Variants in PLSCR2 observed in about 807,000 individuals in gnomAD.
PLSCR2 encodes the protein PL scramblase 2.
In PLSCR2, 18 loss-of-function variants were observed where a neutral mutation model predicts 25.3. The observed-to-expected ratio is 0.71, with a 90% CI of 0.49 to 1.06. The LOEUF (loss-of-function observed/expected upper bound fraction) is 1.06, where lower values mean the gene tolerates loss of function less well. Among genes scored for constraint, PLSCR2 ranks in the 50% least tolerant of loss-of-function variants. The pLI, the probability that PLSCR2 is intolerant of heterozygous loss-of-function variation, is 0.00. For missense variants in PLSCR2, 243 were observed against 269.5 expected (o/e 0.90, Z 0.69); for synonymous variants, 88 against 87.3 (o/e 1.01, Z -0.04).
At chr3:146,398,498 T>A (rs1276070360) in intron 2 of PLSCR2, among the ~76,000 whole-genome samples, 2 of 148,290 alleles carry the variant, frequency 1.3e-5, no homozygotes, top group Non-Finnish European at 3.0e-5. Context: ...ATAAGGACGC[T>A]GTGAATTAGT....
At chr3:146,450,835 T>C (rs1187634763) in intron 5 of PLSCR2, among the ~76,000 whole-genome samples, 2 of 152,102 alleles carry the variant, frequency 1.3e-5, no homozygotes, top group African/African-American at 2.4e-5. Flanking sequence ...TTGATGGCTA[T>C]AGCAAGAAAT....
intron 2 of PLSCR2, among the ~76,000 whole-genome samples, chr3:146,410,508 T>G (rs986945525): frequency 2.1e-4 from 32 of 152,204 alleles, no homozygotes; most frequent in Admixed American, 9.2e-4. Flanking sequence ...ACACTCGTTC[T>G]TGTAACAACA....
At chr3:146,438,438 C>T (rs1374201106), downstream of PLSCR2, among the ~76,000 whole-genome samples, 1 of 152,136 alleles carries the variant, frequency 6.6e-6, no homozygotes, top group Non-Finnish European at 1.5e-5. Context: ...TAAGGACTTG[C>T]TTTATGAATC....
At chr3:146,423,008 T>C (rs1166385915) in intron 2 of PLSCR2, among the ~76,000 whole-genome samples, 1 of 152,042 alleles carries the variant, frequency 6.6e-6, no homozygotes, top group Non-Finnish European at 1.5e-5. Flanking sequence ...GTATTTATAA[T>C]ACTATGATAT....
chr3:146,457,558 C>T (rs554914607), intron 3 of PLSCR2, among the ~76,000 whole-genome samples: 20 of 152,276 alleles, frequency 1.3e-4, no homozygotes, highest in African/African-American at 4.6e-4. Context: ...ATCTACAGCA[C>T]GTGGAACAAA....
At chr3:146,435,458 GC>G (rs1471994456) in intron 8 of PLSCR2, among the ~76,000 whole-genome samples, 2 of 152,124 alleles carry the variant, frequency 1.3e-5, no homozygotes, top group Non-Finnish European at 2.9e-5. Flanking sequence ...TTTAATGACT[GC>G]CATTCTAACT....
At chr3:146,436,594 G>T (rs1296215820) in intron 8 of PLSCR2, among the ~76,000 whole-genome samples, 1 of 152,004 alleles carries the variant, frequency 6.6e-6, no homozygotes, top group Non-Finnish European at 1.5e-5. Context: ...TTGGTGTATA[G>T]GAATGCTTGT....
chr3:146,449,073 G>A (rs913953754), intron 6 of PLSCR2, 133 bp downstream of exon 6: 23 of 673,470 alleles, frequency 3.4e-5, no homozygotes, highest in Admixed American at 3.3e-4. Flanking sequence ...ATTTCAGTGC[G>A]GGGATTAAAT....
downstream of PLSCR2, among the ~76,000 whole-genome samples, chr3:146,437,013 T>C (rs2039905433): frequency 6.6e-6 from 1 of 152,210 alleles, no homozygotes; most frequent in South Asian, 2.1e-4. Flanking sequence ...AAAGGCCTTT[T>C]CTGTATCTAT....
intron 1 of PLSCR2, among the ~76,000 whole-genome samples, chr3:146,482,045 T>A (rs1183483965): frequency 1.3e-5 from 2 of 152,150 alleles, no homozygotes; most frequent in Non-Finnish European, 2.9e-5. Context: ...AGAAGCTGGA[T>A]CCCTTCCTTA....
At chr3:146,444,498 C>G (rs2040428536) in intron 6 of PLSCR2, among the ~76,000 whole-genome samples, 1 of 151,060 alleles carries the variant, frequency 6.6e-6, no homozygotes, top group Admixed American at 6.6e-5. Context: ...AAAATTGACC[C>G]CTGTATCATT....
chr3:146,420,092 A>C (rs896683601), intron 2 of PLSCR2, among the ~76,000 whole-genome samples: 3 of 152,058 alleles, frequency 2.0e-5, no homozygotes, highest in African/African-American at 4.8e-5. Context: ...CTTCTTACTG[A>C]GATTTTCCCA....
chr3:146,431,731 A>G (rs573627063), downstream of PLSCR2, among the ~76,000 whole-genome samples: 1 of 152,182 alleles, frequency 6.6e-6, no homozygotes, highest in East Asian at 1.9e-4. Flanking sequence ...GTTATCACTA[A>G]AAGAATACGA....
chr3:146,481,240 A>C (rs1205044585), intron 1 of PLSCR2, among the ~76,000 whole-genome samples: 2 of 152,202 alleles, frequency 1.3e-5, no homozygotes, highest in African/African-American at 4.8e-5. Context: ...CAGGGCAATC[A>C]GGCAAGAGAA....
upstream of PLSCR2, among the ~76,000 whole-genome samples, chr3:146,461,205 A>T (rs1410810107): frequency 2.6e-5 from 4 of 152,196 alleles, no homozygotes; most frequent in Admixed American, 2.6e-4. Context: ...TATGTTCCTC[A>T]ATATTTTAAA....
At chr3:146,428,664 C>T (rs776872306), downstream of PLSCR2, among the ~76,000 whole-genome samples, 11 of 152,114 alleles carry the variant, frequency 7.2e-5, no homozygotes, top group South Asian at 2.1e-4. Flanking sequence ...TTTTACTCCC[C>T]TCAGACAATG....
At chr3:146,420,028 T>C (rs757562192) in intron 2 of PLSCR2, among the ~76,000 whole-genome samples, 1 of 152,070 alleles carries the variant, frequency 6.6e-6, no homozygotes, top group African/African-American at 2.4e-5. Flanking sequence ...ACTTCTGTGA[T>C]GCTGAGGAGA....
intron 1 of PLSCR2, among the ~76,000 whole-genome samples, chr3:146,466,235 C>T (rs1191728136): frequency 9.5e-6 from 1 of 104,940 alleles, no homozygotes; most frequent in Non-Finnish European, 2.1e-5. Context: ...GCCAGTGGCA[C>T]GATCTCAGCT....
chr3:146,412,676 A>G (rs2038894014), intron 2 of PLSCR2, among the ~76,000 whole-genome samples: 1 of 152,200 alleles, frequency 6.6e-6, no homozygotes, highest in Non-Finnish European at 1.5e-5. Flanking sequence ...TCGTGGATAG[A>G]GCAATGACAA....
Sources: allele counts gnomAD v4.1 joint callset (sites outside exome capture counted in the v4.1 genomes callset), GRCh38; gene constraint gnomAD v4.1.1; transcripts MANE v1.5; gene names NCBI Gene and HGNC (gene_info 2026-07-23, HGNC 2026-07-21).